PRKCA: variants seen among roughly 807,000 people sequenced by gnomAD.
The protein encoded by PRKCA is protein kinase C alpha.
PRKCA carries 27 observed loss-of-function variants against 87.0 expected under a neutral mutation model. The ratio of observed to expected loss-of-function variants is 0.31; its 90% confidence interval spans 0.23 to 0.43. PRKCA has a LOEUF of 0.43. Ranked by LOEUF, PRKCA falls within the 20% of genes least tolerant of loss-of-function variation. PRKCA has a pLI of 1.00. For missense variants in PRKCA, 518 were observed against 852.3 expected (o/e 0.61, Z 4.88); for synonymous variants, 329 against 311.1 (o/e 1.06, Z -0.61).
intron 8 of PRKCA, among the ~76,000 whole-genome samples, chr17:66,730,103 T>C (rs557822167): frequency 6.6e-6 from 1 of 152,278 alleles, no homozygotes; most frequent in Admixed American, 6.5e-5. Context: ...AAGCAAGTTA[T>C]TGTTATCGGA....
At chr17:66,562,575 G>A (rs555470786) in intron 3 of PRKCA, among the ~76,000 whole-genome samples, 59 of 146,552 alleles carry the variant, frequency 4.0e-4, no homozygotes, top group Non-Finnish European at 6.8e-4. Flanking sequence ...GAAAATAATA[G>A]CTAAGTTTTG....
chr17:66,659,851 G>A lies in PRKCA; in HGVS notation c.529+14340G>A, dbSNP rs182638655. 5.4e-3 allele frequency among the ~76,000 whole-genome samples: 820 copies of A among 152,300 alleles called. 7 individuals are homozygous for A. The highest frequency in any genetic ancestry group is 4.2e-3 in the Non-Finnish European group (289 of 68,028). On this transcript the variant is annotated intron_variant, in intron 5 of 16. Transcript: ENST00000413366. ...GGTTAACAGCAGGAGAAACTGAGGC[G>A]TTTATTGCCAAGCAAGGAGAATTGA...
chr17:66,676,743 G>A (rs980309770), intron 5 of PRKCA: 2 of 152,348 alleles, frequency 1.3e-5, no homozygotes, highest in Admixed American at 6.5e-5. Flanking sequence ...TGCTGCACCA[G>A]AAAAGCCGGG....
chr17:66,313,783 G>A (rs1188796152), intron 2 of PRKCA, among the ~76,000 whole-genome samples: 1 of 152,080 alleles, frequency 6.6e-6, no homozygotes, highest in Admixed American at 6.5e-5. Flanking sequence ...TACATTTTTT[G>A]TGCCTTAATA....
At chr17:66,337,747 A>G (rs1906790726) in intron 2 of PRKCA, among the ~76,000 whole-genome samples, 1 of 152,094 alleles carries the variant, frequency 6.6e-6, no homozygotes, top group Non-Finnish European at 1.5e-5. Context: ...ACTTTTAATA[A>G]TATACCTCAA....
At chr17:66,533,653 G>A (rs1200482517) in intron 3 of PRKCA, among the ~76,000 whole-genome samples, 2 of 152,168 alleles carry the variant, frequency 1.3e-5, no homozygotes, top group African/African-American at 4.8e-5. Context: ...CCAGTGGGTT[G>A]GTCTTAAGCA....
intron 5 of PRKCA, among the ~76,000 whole-genome samples, chr17:66,679,306 G>A (rs973107781): frequency 1.3e-5 from 2 of 151,246 alleles, no homozygotes; most frequent in East Asian, 2.0e-4. Flanking sequence ...TCAGCCTCCC[G>A]AGTAGCTGTG....
intron 11 of PRKCA, 115 bp from the exon 12 acceptor site, chr17:66,741,544 G>A: frequency 8.9e-7 from 1 of 1,119,982 alleles, no homozygotes; most frequent in East Asian, 2.5e-5. Flanking sequence ...GCTGGTCTCT[G>A]AGAGCCTCTG....
In PRKCA at chr17:66,810,456, T is replaced by C. The variant is rs1976138337; in HGVS notation, c.*6419T>C. 6.6e-6 allele frequency: 1 copy of C among 152,230 alleles called. No individual in the cohort carries two copies. Among genetic ancestry groups the C allele is most frequent in the Non-Finnish European group, 1.5e-5 (1 of 68,046 alleles). 9.4% of individuals were successfully genotyped at this position (152,230 alleles called of 1,614,324 possible). On this transcript the variant is annotated 3_prime_UTR_variant, in exon 17 of 17. Coordinates refer to ENST00000413366, the MANE Select transcript of PRKCA (RefSeq NM_002737.3). ...TTGTGTGTGTGAAGGACATACCACG[T>C]TTAAATCATTAATTGAAAAACATCA... is the stretch of plus-strand genomic sequence containing the variant.
intron 3 of PRKCA, among the ~76,000 whole-genome samples, chr17:66,518,704 A>G (rs1310088242): frequency 6.6e-6 from 1 of 152,202 alleles, no homozygotes; most frequent in Middle Eastern, 3.2e-3. Context: ...AATACATTCA[A>G]AAAAGAAAAG....
chr17:66,626,241 G>A (rs1970851618), intron 3 of PRKCA, among the ~76,000 whole-genome samples: 1 of 150,166 alleles, frequency 6.7e-6, no homozygotes, highest in Non-Finnish European at 1.5e-5. Context: ...CTGTCATCCA[G>A]CAGTGGCATG....
chr17:66,661,517 G>T (rs1971904083), intron 5 of PRKCA, among the ~76,000 whole-genome samples: 1 of 152,154 alleles, frequency 6.6e-6, no homozygotes, highest in African/African-American at 2.4e-5. Flanking sequence ...GACAGTGGCT[G>T]AGCTTATGTC....
chr17:66,442,528 G>A (rs569769409), intron 2 of PRKCA, among the ~76,000 whole-genome samples: 1 of 152,182 alleles, frequency 6.6e-6, no homozygotes, highest in Non-Finnish European at 1.5e-5. Flanking sequence ...ATTGCTTCTA[G>A]GATGAAGTCC....
chr17:66,702,108 C>A (rs1032285299), intron 8 of PRKCA, among the ~76,000 whole-genome samples: 2 of 151,960 alleles, frequency 1.3e-5, no homozygotes, highest in Non-Finnish European at 2.9e-5. Context: ...CTGTCACATA[C>A]ATATCTCATT....
chr17:66,726,310 C>T (rs976204646), intron 8 of PRKCA, among the ~76,000 whole-genome samples: 1 of 152,064 alleles, frequency 6.6e-6, no homozygotes, highest in African/African-American at 2.4e-5. Flanking sequence ...TCAGGGGATA[C>T]GGGTGGGGCC....
In PRKCA at chr17:66,480,604, T is replaced by C. The variant is rs140681874; in HGVS notation, c.206-15597T>C. ...GTGGCCTCAGATTTCAGAAGAAACA[T>C]TGTACTGTGTTTACTTGTACCGTGC... On this transcript the variant is annotated intron_variant, in intron 2 of 16. Transcript: ENST00000413366. 5.6e-3 allele frequency among the ~76,000 whole-genome samples: 850 copies of C among 152,312 alleles called. 6 individuals are homozygous for C. Among genetic ancestry groups the C allele is most frequent in the African/African-American group, 0.019 (799 of 41,570 alleles).
At chr17:66,437,555 CAGAT>C (rs1424252356) in intron 2 of PRKCA, among the ~76,000 whole-genome samples, 3 of 151,966 alleles carry the variant, frequency 2.0e-5, no homozygotes, top group Admixed American at 6.6e-5. Flanking sequence ...TTCTCACTGA[CAGAT>C]AGGGTGTCTT....
intron 9 of PRKCA, 142 bp from the exon 10 acceptor site, chr17:66,735,347 C>T: frequency 1.2e-6 from 1 of 846,000 alleles, no homozygotes; most frequent in Non-Finnish European, 1.9e-6. Flanking sequence ...TACAAATTTG[C>T]ACATAAAGTT....
chr17:66,699,688 G>C (rs530545481), intron 8 of PRKCA, among the ~76,000 whole-genome samples: 2 of 152,320 alleles, frequency 1.3e-5, no homozygotes, highest in Non-Finnish European at 2.9e-5. Flanking sequence ...CTGGGCTCAA[G>C]CAATCCTCCT....
Sources: allele counts gnomAD v4.1 joint callset (sites outside exome capture counted in the v4.1 genomes callset), GRCh38; gene constraint gnomAD v4.1.1; transcripts MANE v1.5; gene names NCBI Gene and HGNC (gene_info 2026-07-23, HGNC 2026-07-21).